Variants in CFAP47 observed in about 807,000 individuals in gnomAD.
CFAP47 encodes the protein cilia and flagella associated protein 47.
Under a neutral mutation model 148.1 loss-of-function variants are expected in CFAP47, and 29 were observed. The observed-to-expected ratio is 0.20, with a 90% confidence interval of 0.15 to 0.27. The LOEUF (loss-of-function observed/expected upper bound fraction) is 0.27. CFAP47 is among the 10% of genes least tolerant of loss of function. The pLI, the probability that CFAP47 is intolerant of heterozygous loss-of-function variation, is 1.00. For synonymous variants in CFAP47, 664 were observed against 577.3 expected (o/e 1.15, Z -2.15); for missense variants, 1,872 against 1,697.5 (o/e 1.10, Z -1.81).
chrX:36,298,984 C>T lies in CFAP47; in HGVS notation c.7694C>T (p.Thr2565Ile), dbSNP rs1569311825. The stretch of plus-strand genomic sequence containing the variant: ...TTTGTTGTATAATTCTAGGACAGCA[C>T]TTGCATTGAAATACCTCTCTCTAAT... ...MEMTCIALDS[T>I]CIEIPLSNPK... The change falls in exon 52 of 64, where the codon ACT becomes ATT. Residue 2565 changes from threonine (T) to isoleucine (I), a missense_variant. Physicochemically the swap from Thr to Ile is moderately conservative, Grantham distance 89. Transcript: ENST00000378653. 5.2e-6 allele frequency: 6 copies of T among 1,145,473 alleles called. No homozygotes were observed. The highest frequency in any genetic ancestry group is 4.8e-4 in the Middle Eastern group (2 of 4,181). 94.4% of individuals were successfully genotyped at this position (1,145,473 alleles called of 1,213,427 possible).
chrX:35,952,421 A>G (rs1428732665), intron 6 of CFAP47, among the ~76,000 whole-genome samples: 1 of 112,295 alleles, frequency 8.9e-6, no homozygotes, highest in Admixed American at 9.5e-5. Flanking sequence ...GTTTGCTGAA[A>G]TTCATACAGA....
At chrX:36,104,451 G>T (rs757216528) in intron 32 of CFAP47, 48 bp from the exon 33 acceptor site, 21 of 452,268 alleles carry the variant, frequency 4.6e-5, no homozygotes, top group Admixed American at 8.3e-5. Flanking sequence ...ATATTAATTT[G>T]CTATTTTTCC....
intron 56 of CFAP47, among the ~76,000 whole-genome samples, chrX:36,317,254 C>G (rs1265604185): frequency 9.0e-6 from 1 of 111,436 alleles, no homozygotes; most frequent in African/African-American, 3.3e-5. Flanking sequence ...AGAAGAGAGA[C>G]AAATTGGTGT....
intron 60 of CFAP47, among the ~76,000 whole-genome samples, chrX:36,354,480 C>CAA (rs869120972): frequency 0.027 from 1,106 of 40,358 alleles, 46 homozygotes; most frequent in African/African-American, 0.077. Context: ...GACTCTGTCT[C>CAA]AAAAAAAAAA....
At chrX:35,986,147 G>C (rs905034830) in intron 15 of CFAP47, among the ~76,000 whole-genome samples, 1 of 110,350 alleles carries the variant, frequency 9.1e-6, no homozygotes, top group Non-Finnish European at 1.9e-5. Context: ...TTTGAATGTT[G>C]GCCTGTCTTG....
chrX:35,975,021 TAA>T (rs1432832729), intron 13 of CFAP47, 124 bp from the exon 14 acceptor site: 1 of 402,905 alleles, frequency 2.5e-6, no homozygotes, highest in African/African-American at 2.6e-5. Context: ...GCTATTATTG[TAA>T]ATATTTTTTA....
At chrX:36,146,677 G>A (rs773223744) in intron 36 of CFAP47, among the ~76,000 whole-genome samples, 7 of 111,371 alleles carry the variant, frequency 6.3e-5, no homozygotes, top group South Asian at 3.7e-4. Context: ...ATGGCAGTGC[G>A]TTAAGTCATA....
intron 7 of CFAP47, among the ~76,000 whole-genome samples, chrX:35,955,670 A>G (rs886268033): frequency 1.8e-4 from 20 of 111,896 alleles, no homozygotes; most frequent in Non-Finnish European, 3.8e-4. Flanking sequence ...TACCCATAAT[A>G]CTTATTTTCT....
intron 62 of CFAP47, chrX:36,374,788 C>T: frequency 6.4e-6 from 5 of 776,648 alleles, no homozygotes; most frequent in Non-Finnish European, 9.5e-6. Flanking sequence ...ATATGTATTA[C>T]ATCTCTAGAA....
chrX:36,053,252 G>A (rs1937529162), intron 26 of CFAP47, among the ~76,000 whole-genome samples: 1 of 111,567 alleles, frequency 9.0e-6, no homozygotes, highest in Non-Finnish European at 1.9e-5. Context: ...TCTCCTTATG[G>A]ATTAAGAAGA....
At chrX:36,249,998 A>G (rs1253622403) in intron 48 of CFAP47, among the ~76,000 whole-genome samples, 1 of 111,346 alleles carries the variant, frequency 9.0e-6, no homozygotes, top group Admixed American at 9.6e-5. Context: ...ATTACGATAA[A>G]CATTATGAAG....
At chrX:36,182,786 G>T (rs190127532) in intron 40 of CFAP47, among the ~76,000 whole-genome samples, 1,419 of 111,943 alleles carry the variant, frequency 0.013, 30 homozygotes, top group African/African-American at 0.043. Context: ...AAATAAACTG[G>T]ATTTTTTAAA....
intron 16 of CFAP47, 103 bp from the exon 17 acceptor site, chrX:35,991,718 A>G (rs1936791746): frequency 3.6e-6 from 1 of 277,471 alleles, no homozygotes; most frequent in Middle Eastern, 1.0e-3. Context: ...TTTGGTTAAT[A>G]TATATTCAAA....
chrX:36,067,360 A>G (rs1937656056), intron 27 of CFAP47, among the ~76,000 whole-genome samples: 1 of 111,246 alleles, frequency 9.0e-6, no homozygotes, highest in African/African-American at 3.3e-5. Context: ...TTTTCTCTAT[A>G]TACCCCATCT....
intron 16 of CFAP47, chrX:35,990,204 A>C (rs1361518174): frequency 8.9e-6 from 1 of 111,763 alleles, no homozygotes. Flanking sequence ...TTGAAAATTT[A>C]TTATTCCAAT....
chrX:36,363,444 A>G (rs1459236607), intron 61 of CFAP47, among the ~76,000 whole-genome samples: 1 of 111,675 alleles, frequency 9.0e-6, no homozygotes, highest in African/African-American at 3.3e-5. Flanking sequence ...CTAAACACAG[A>G]AAAGGTACAG....
intron 33 of CFAP47, among the ~76,000 whole-genome samples, chrX:36,124,323 G>A (rs67887047): frequency 0.097 from 10,778 of 110,956 alleles, 1,050 homozygotes; most frequent in African/African-American, 0.3. Context: ...CTCTGAGTAC[G>A]GTTCAGCACT....
rs201871919 is a variant in CFAP47 at position 36,371,908 on chromosome X, A to G, written c.9185+4781A>G. Among the ~76,000 whole-genome samples the G allele has an allele frequency of 3.3e-3, 181 of 55,674 alleles. 17 individuals carry two copies. The highest frequency in any genetic ancestry group is 0.028 in the African/African-American group (102 of 3,691). 48.3% of individuals were successfully genotyped at this position (55,674 alleles called of 115,157 possible). On this transcript the variant is annotated intron_variant, in intron 62 of 63. Coordinates refer to ENST00000378653, the MANE Select transcript of CFAP47 (RefSeq NM_001304548.2). Reference sequence around the variant, plus strand: ...TGTGCATATACACACATGTGTATATATGTGTGTATATATGTGTATATACAC... The same window carrying G: ...TGTGCATATACACACATGTGTATATGTGTGTGTATATATGTGTATATACAC...
intron 49 of CFAP47, among the ~76,000 whole-genome samples, chrX:36,279,239 C>T (rs1397889294): frequency 9.0e-6 from 1 of 111,266 alleles, no homozygotes; most frequent in African/African-American, 3.3e-5. Context: ...ATATGCGTTT[C>T]ATTTCAAGTT....
Sources: allele counts gnomAD v4.1 joint callset (sites outside exome capture counted in the v4.1 genomes callset), GRCh38; gene constraint gnomAD v4.1.1; transcripts MANE v1.5; gene names NCBI Gene and HGNC (gene_info 2026-07-23, HGNC 2026-07-21).